The following KIF1B variants were observed in gnomAD, a reference collection of about 807,000 sequenced individuals.
KIF1B encodes kinesin family member 1B, also known as kinesin-like protein KIF1B.
In KIF1B, 76 loss-of-function variants were observed where a neutral mutation model predicts 241.9. The observed-to-expected ratio is 0.31, with a 90% confidence interval of 0.26 to 0.38. The LOEUF (loss-of-function observed/expected upper bound fraction) is 0.38. KIF1B is among the 10% of genes least tolerant of loss of function. The pLI, the probability that KIF1B is intolerant of heterozygous loss-of-function variation, is 1.00. For missense variants in KIF1B, 1,622 were observed against 2,271.4 expected, an observed-to-expected ratio of 0.71 and a Z score of 5.81; for synonymous variants, 750 against 796.7, an observed-to-expected ratio of 0.94 and a Z score of 0.99.
At chr1:10,231,237 C>T (rs983387535) in intron 1 of KIF1B, among the ~76,000 whole-genome samples, 1 of 151,984 alleles carries the variant, frequency 6.6e-6, no homozygotes, top group African/African-American at 2.4e-5. Flanking sequence ...AAAGAAAACC[C>T]AGAAGTTAAA....
intron 27 of KIF1B, among the ~76,000 whole-genome samples, chr1:10,333,216 A>C (rs923624405): frequency 2.1e-5 from 3 of 142,902 alleles, no homozygotes; most frequent in Admixed American, 6.9e-5. Flanking sequence ...ACCTGAGGTC[A>C]GGAGTTTGAA....
At chr1:10,330,868 G>A (rs1651893920) in intron 27 of KIF1B, among the ~76,000 whole-genome samples, 1 of 152,200 alleles carries the variant, frequency 6.6e-6, no homozygotes, top group Admixed American at 6.5e-5. Flanking sequence ...GTAAATTATA[G>A]CAGTGATGAA....
Position 10,303,872 on chromosome 1 carries a change from G to A in KIF1B, c.2115+6626G>A, listed in dbSNP as rs1650673645. The A allele has an allele frequency of 6.2e-7, 1 of 1,614,080 alleles. No individual in the cohort carries two copies. Among genetic ancestry groups the A allele is most frequent in the African/African-American group, 1.3e-5 (1 of 74,934 alleles). The stretch of plus-strand genomic sequence containing the variant: ...AATAATGTAAGTAAAGGAGACAATG[G>A]AGAACTTGCAAAAGAAGAACGTGTT... On this transcript the variant is annotated intron_variant, in intron 22 of 48. Transcript: ENST00000676179. The surrounding 1 kb of genome is among the most constrained non-coding windows in gnomAD (Gnocchi z 5.2).
intron 24 of KIF1B, among the ~76,000 whole-genome samples, chr1:10,322,138 TTC>T (rs1345335641): frequency 6.6e-6 from 1 of 152,208 alleles, no homozygotes; most frequent in Admixed American, 6.5e-5. Flanking sequence ...AGAAAAATAC[TTC>T]TCTTGGGTTT....
Position 10,358,619 on chromosome 1 carries a change from G to A in KIF1B, c.4056-2310G>A, listed in dbSNP as rs1036466601. Among the ~76,000 whole-genome samples the A allele has an allele frequency of 4.7e-4, 70 of 149,446 alleles. 1 individual carries two copies. Among genetic ancestry groups the A allele is most frequent in the African/African-American group, 1.7e-3 (68 of 40,622 alleles). ...AATCACTTGAACCCGGCATGAGGAG[G>A]TTGCAGTGAGCCAAGATCATGCCAC... is the stretch of plus-strand genomic sequence containing the variant. On this transcript the variant is annotated intron_variant, in intron 38 of 48. Coordinates refer to ENST00000676179, the MANE Select transcript of KIF1B (RefSeq NM_001365951.3).
chr1:10,368,362 C>T (rs1477500655), intron 43 of KIF1B, 105 bp from the exon 44 acceptor site: 2 of 864,650 alleles, frequency 2.3e-6, no homozygotes, highest in Non-Finnish European at 3.9e-6. Context: ...TCCATGCCCT[C>T]CCCGGGAACT....
In KIF1B at chr1:10,326,404, G is replaced by T. The variant is rs1261843415; in HGVS notation, c.2924+45G>T. ...GAAAGGCGAAAAGGGACCAGCTCTT[G>T]CTCTGAAGGCCTCCCTGCTTGCACA... On this transcript the variant is annotated intron_variant, in intron 27 of 48. Transcript: ENST00000676179. This position sits in a 1 kb window ranked among gnomAD's most constrained non-coding sequence, Gnocchi z 5.2. 1 of 1,612,702 alleles carries T rather than the reference G, an allele frequency of 6.2e-7. No homozygotes were observed. The highest frequency in any genetic ancestry group is 1.6e-4 in the Middle Eastern group (1 of 6,062).
intron 36 of KIF1B, 112 bp downstream of exon 36, chr1:10,347,939 G>A (rs1006991622): frequency 1.9e-5 from 18 of 942,452 alleles, no homozygotes; most frequent in East Asian, 7.8e-5. Context: ...GAGGGTGGGC[G>A]GGGCATTGTC....
intron 37 of KIF1B, among the ~76,000 whole-genome samples, chr1:10,351,471 GA>G (rs1652791599): frequency 6.6e-6 from 1 of 152,196 alleles, no homozygotes; most frequent in Non-Finnish European, 1.5e-5. Flanking sequence ...TATATGGAAG[GA>G]ATTGTTATTC....
In KIF1B at chr1:10,244,127, G is replaced by C. The variant is rs80182722; in HGVS notation, c.106+11693G>C. Among the ~76,000 whole-genome samples, 789 of 152,136 alleles carry C rather than the reference G, an allele frequency of 5.2e-3. 5 individuals are homozygous for C. The highest frequency in any genetic ancestry group is 0.018 in the African/African-American group (764 of 41,504). ...TATAAAAAAATGGGAAACTAAATTT[G>C]TTGTAAATGATTAAGGAACTTTATG... On this transcript the variant is annotated intron_variant, in intron 2 of 48. Coordinates refer to ENST00000676179, the MANE Select transcript of KIF1B (RefSeq NM_001365951.3).
At chr1:10,272,026 A>G (rs1488372451) in intron 8 of KIF1B, among the ~76,000 whole-genome samples, 1 of 152,252 alleles carries the variant, frequency 6.6e-6, no homozygotes, top group Non-Finnish European at 1.5e-5. Flanking sequence ...TTGGAGCACA[A>G]ATATCTCGAA....
rs1473361892 is a variant in KIF1B at position 10,326,394 on chromosome 1, A to T, written c.2924+35A>T. 1 of 1,613,580 alleles carries T rather than the reference A, an allele frequency of 6.2e-7. No individual in the cohort carries two copies. The highest frequency in any genetic ancestry group is 8.5e-7 in the Non-Finnish European group (1 of 1,180,014). On this transcript the variant is annotated intron_variant, in intron 27 of 48. Coordinates refer to ENST00000676179, the MANE Select transcript of KIF1B (RefSeq NM_001365951.3). This position sits in a 1 kb window ranked among gnomAD's most constrained non-coding sequence, Gnocchi z 5.2. ...GTTATTGTGAGAAAGGCGAAAAGGG[A>T]CCAGCTCTTGCTCTGAAGGCCTCCC... is the stretch of plus-strand genomic sequence containing the variant.
In KIF1B at chr1:10,378,620, C is replaced by G. The variant is rs533754928; in HGVS notation, c.*2033C>G. 1.7e-6 allele frequency: 1 copy of G among 587,030 alleles called. No individual in the cohort carries two copies. Among genetic ancestry groups the G allele is most frequent in the African/African-American group, 1.9e-5 (1 of 53,846 alleles). 36.4% of individuals were successfully genotyped at this position (587,030 alleles called of 1,614,324 possible). A position where few individuals can be genotyped will look rare whatever the true frequency, so the allele number is the denominator to read the frequency against. On this transcript the variant is annotated 3_prime_UTR_variant, in exon 49 of 49. Transcript: ENST00000676179. Reference sequence around the variant, plus strand: ...CAGGCGTTAGGCAGCTGGATGACTTCCCGCTTCACGCAGCAAAGGCCAGGG... The same window carrying G: ...CAGGCGTTAGGCAGCTGGATGACTTGCCGCTTCACGCAGCAAAGGCCAGGG...
intron 1 of KIF1B, among the ~76,000 whole-genome samples, chr1:10,226,163 A>G (rs1475279729): frequency 2.0e-5 from 3 of 152,178 alleles, no homozygotes; most frequent in South Asian, 4.1e-4. Context: ...ATATAAGCTG[A>G]TTAGATGGAT....
intron 2 of KIF1B, among the ~76,000 whole-genome samples, chr1:10,237,605 TTA>T (rs964612697): frequency 1.3e-5 from 2 of 152,214 alleles, no homozygotes; most frequent in Non-Finnish European, 2.9e-5. Context: ...TTTTTCCTGT[TTA>T]TTACTCATAT....
At chr1:10,332,608 C>T (rs1443120898) in intron 27 of KIF1B, among the ~76,000 whole-genome samples, 5 of 142,286 alleles carry the variant, frequency 3.5e-5, no homozygotes, top group South Asian at 4.7e-4. Flanking sequence ...CTCCGCCTCC[C>T]GGGTTCACGC....
chr1:10,271,513 C>T lies in KIF1B; in HGVS notation c.732C>T (p.Ile244=), dbSNP rs774186414. 1.9e-6 allele frequency: 3 copies of T among 1,613,146 alleles called. No individual in the cohort carries two copies. The highest frequency in any genetic ancestry group is 1.1e-5 in the South Asian group (1 of 91,070). ...TTGTTCTTTATCAGGTCAGTAAAAT[C>T]AGCTTGGTGGATCTAGCAGGAAGTG... The part of the protein sequence containing the change: ...TNLSTEKVSK[I]SLVDLAGSER... Residue 244 remains isoleucine, a synonymous_variant, in exon 8 of 49, where the codon ATC becomes ATT. Coordinates refer to ENST00000676179, the MANE Select transcript of KIF1B (RefSeq NM_001365951.3).
intron 22 of KIF1B, among the ~76,000 whole-genome samples, chr1:10,317,628 G>T (rs1345331199): frequency 6.6e-6 from 1 of 151,284 alleles, no homozygotes. Flanking sequence ...TAAGGAGTTC[G>T]AGACCAGCCT....
chr1:10,379,247 C>G lies in KIF1B; in HGVS notation c.*2660C>G. 1 of 232,014 alleles carries G rather than the reference C, an allele frequency of 4.3e-6. No individual in the cohort carries two copies. Among genetic ancestry groups the G allele is most frequent in the Non-Finnish European group, 8.6e-6 (1 of 116,956 alleles). The allele number at this position is 232,014 out of a possible 1,614,324, so 14.4% of individuals were successfully genotyped here. A position where few individuals can be genotyped will look rare whatever the true frequency, so the allele number is the denominator to read the frequency against. ...AATGACTTTTGTTTTTCTTCTAACT[C>G]ATACAAAACTGGTTTGGAAAGTCTT... On this transcript the variant is annotated 3_prime_UTR_variant, in exon 49 of 49. Transcript: ENST00000676179.
Sources: gnomAD v4.1 joint callset for allele counts (sites outside exome capture counted in the v4.1 genomes callset) on GRCh38, gnomAD v4.1.1 for gene constraint, Gnocchi (gnomAD v3.1) non-coding constraint, MANE v1.5 for transcripts, NCBI Gene and HGNC (gene_info 2026-07-23, HGNC 2026-07-21) for gene names.